ARHGAP8: variants seen among roughly 807,000 people sequenced by gnomAD.
ARHGAP8 encodes rho GTPase-activating protein 8.
A neutral mutation model predicts 46.1 loss-of-function variants in ARHGAP8; 62 were observed. That is an observed-to-expected ratio of 1.34 (90% CI 1.10 to 1.66). The LOEUF is 1.66. ARHGAP8 is among the 40% of genes most tolerant of loss of function. The probability of loss-of-function intolerance (pLI) is 0.00; values close to 1 mark genes in which losing one functional copy is unlikely to be tolerated. For synonymous variants in ARHGAP8, 375 were observed against 243.1 expected (o/e 1.54, Z -5.05); for missense variants, 923 against 568.4 (o/e 1.62, Z -6.34).
chr22:44,833,428 C>A (rs1347264476), intron 7 of ARHGAP8, among the ~76,000 whole-genome samples: 1 of 152,092 alleles, frequency 6.6e-6, no homozygotes, highest in Non-Finnish European at 1.5e-5. Flanking sequence ...GAGATAATCA[C>A]ATGGCTTTTG....
intron 11 of ARHGAP8, among the ~76,000 whole-genome samples, chr22:44,861,456 G>A (rs903533262): frequency 2.5e-5 from 3 of 118,066 alleles, no homozygotes; most frequent in African/African-American, 9.4e-5. Flanking sequence ...AACGGGCTTG[G>A]GGGACCGGCA....
chr22:44,828,077 G>A (rs1930663436), intron 7 of ARHGAP8, among the ~76,000 whole-genome samples: 1 of 152,196 alleles, frequency 6.6e-6, no homozygotes, highest in Admixed American at 6.5e-5. Flanking sequence ...GCACTGCACA[G>A]CTCTGACCGA....
intron 7 of ARHGAP8, among the ~76,000 whole-genome samples, chr22:44,834,886 TAA>T (rs1026555675): frequency 1.6e-4 from 25 of 152,200 alleles, no homozygotes; most frequent in Non-Finnish European, 2.9e-5. Flanking sequence ...ATTTTTGTGT[TAA>T]AGTCTATTTT....
chr22:44,836,288 A>G (rs1363602746), intron 7 of ARHGAP8, among the ~76,000 whole-genome samples: 10 of 151,220 alleles, frequency 6.6e-5, no homozygotes, highest in Admixed American at 6.6e-4. Context: ...TTGGTTTCAA[A>G]CTCCTGGGGC....
intron 2 of ARHGAP8, among the ~76,000 whole-genome samples, chr22:44,794,222 G>C (rs1050382427): frequency 6.6e-5 from 10 of 152,170 alleles, no homozygotes; most frequent in Non-Finnish European, 1.5e-4. Context: ...CTGTGTTCTG[G>C]GGCCGTGCCA....
At position 44,772,253 on chromosome 22, in the gene ARHGAP8, T is replaced by TTC. The variant is rs1555909610; in HGVS notation, c.-71-14204_-71-14203insTC. ...TTTTTTTTTTTTTTTTTTTTTTTTT[T>TTC]CAAGACTGAGTCTCTGTTGCCCAGG... On this transcript the variant is annotated intron_variant, in intron 1 of 11. Coordinates refer to ENST00000356099, the MANE Select transcript of ARHGAP8 (RefSeq NM_181335.3). 3.7e-4 allele frequency among the ~76,000 whole-genome samples: 27 copies of TTC among 73,286 alleles called. 3 individuals carry two copies. Among genetic ancestry groups the TTC allele is most frequent in the South Asian group, 5.8e-4 (1 of 1,738 alleles). 48.1% of individuals were successfully genotyped at this position (73,286 alleles called of 152,430 possible).
chr22:44,809,218 C>T (rs758279304), intron 4 of ARHGAP8: 3 of 464,580 alleles, frequency 6.5e-6, no homozygotes, highest in African/African-American at 2.0e-5. Flanking sequence ...TCCAGTAAAA[C>T]ATTATGGACG....
chr22:44,851,494 C>T (rs1243060335), intron 10 of ARHGAP8, among the ~76,000 whole-genome samples: 1 of 152,154 alleles, frequency 6.6e-6, no homozygotes, highest in South Asian at 2.1e-4. Context: ...ACACTGCAAC[C>T]TCCACCTGAC....
At chr22:44,832,987 A>T (rs1484756822) in intron 7 of ARHGAP8, among the ~76,000 whole-genome samples, 2 of 151,974 alleles carry the variant, frequency 1.3e-5, no homozygotes, top group African/African-American at 4.8e-5. Context: ...ACACACACAC[A>T]CACAAAAGAA....
At chr22:44,803,274 T>C (rs1262237037) in intron 3 of ARHGAP8, among the ~76,000 whole-genome samples, 2 of 152,024 alleles carry the variant, frequency 1.3e-5, no homozygotes, top group African/African-American at 4.8e-5. Flanking sequence ...TGGTACAGGG[T>C]GGGGGGCCGT....
intron 3 of ARHGAP8, 135 bp downstream of exon 3, chr22:44,802,299 T>TGAGTGCAAGAGCTC: frequency 8.7e-7 from 1 of 1,144,836 alleles, no homozygotes; most frequent in Non-Finnish European, 1.2e-6. Flanking sequence ...TGCAGAGCTC[T>TGAGTGCAAGAGCTC]TGCACTCATG....
In ARHGAP8 at chr22:44,860,331, C is replaced by G. The variant is rs377370893; in HGVS notation, c.981+497C>G. ...CTAGCAGTCCAAAAGCAAGGTGTGG[C>G]GGGCTGTGCTCCTTCCAGAGGCTCT... On this transcript the variant is annotated intron_variant, in intron 11 of 11. Transcript: ENST00000356099. 1.7e-4 allele frequency among the ~76,000 whole-genome samples: 26 copies of G among 152,262 alleles called. No homozygotes were observed. The South Asian group carries it at 4.6e-3, about 27-fold the overall frequency.
Position 44,842,563 on chromosome 22 carries a change from C to T in ARHGAP8, c.597-2706C>T, listed in dbSNP as rs151047346. On this transcript the variant is annotated intron_variant, in intron 7 of 11. Coordinates refer to ENST00000356099, the MANE Select transcript of ARHGAP8 (RefSeq NM_181335.3). ...GGGGGTCACAGGCAGACCTCAGTGG[C>T]TCAGGCAGGTGGGGCTGGTGGCGAG... Among the ~76,000 whole-genome samples the T allele has an allele frequency of 3.6e-3, 547 of 152,316 alleles. 3 individuals carry two copies. Among genetic ancestry groups the T allele is most frequent in the African/African-American group, 0.013 (532 of 41,568 alleles).
chr22:44,763,491 C>CA (rs370437700), intron 1 of ARHGAP8, among the ~76,000 whole-genome samples: 32,181 of 78,424 alleles, frequency 0.41, 6,700 homozygotes, highest in East Asian at 0.54. Flanking sequence ...GACTCTGTCT[C>CA]AAAAAAAAAA....
At chr22:44,860,448 A>C (rs1207161203) in intron 11 of ARHGAP8, among the ~76,000 whole-genome samples, 2 of 151,720 alleles carry the variant, frequency 1.3e-5, no homozygotes, top group African/African-American at 2.4e-5. Flanking sequence ...GTGTGTGTCT[A>C]ATCTCCCTCC....
chr22:44,820,752 G>A (rs763658765), intron 5 of ARHGAP8, among the ~76,000 whole-genome samples: 4 of 152,098 alleles, frequency 2.6e-5, no homozygotes, highest in African/African-American at 4.8e-5. Flanking sequence ...GGCAATCCCC[G>A]CCCTCCTCCC....
intron 1 of ARHGAP8, among the ~76,000 whole-genome samples, chr22:44,780,385 G>T (rs2147033996): frequency 6.6e-6 from 1 of 151,822 alleles, no homozygotes; most frequent in Middle Eastern, 3.5e-3. Context: ...AACAGGCTGG[G>T]CACAGTGGCT....
intron 2 of ARHGAP8, among the ~76,000 whole-genome samples, chr22:44,795,188 A>G (rs996632019): frequency 6.6e-6 from 1 of 152,130 alleles, no homozygotes; most frequent in African/African-American, 2.4e-5. Context: ...GGCTCTGCAA[A>G]CAGTAGGTGT....
In ARHGAP8 at chr22:44,841,430, G is replaced by A. The variant is rs116871893; in HGVS notation, c.597-3839G>A. Among the ~76,000 whole-genome samples, 25 of 152,230 alleles carry A rather than the reference G, an allele frequency of 1.6e-4. No homozygotes were observed. The East Asian group carries it at 3.3e-3, about 20-fold the overall frequency. ...GAGAGGAAGTAGAAGCAGAGGTGTC[G>A]AGTAGCTCTCACGCCTGCTCCCTGC... On this transcript the variant is annotated intron_variant, in intron 7 of 11. Coordinates refer to ENST00000356099, the MANE Select transcript of ARHGAP8 (RefSeq NM_181335.3).
Sources: allele counts gnomAD v4.1 joint callset (sites outside exome capture counted in the v4.1 genomes callset), GRCh38; gene constraint gnomAD v4.1.1; transcripts MANE v1.5; gene names NCBI Gene and HGNC (gene_info 2026-07-23, HGNC 2026-07-21).